Variants in RAB38 observed in about 807,000 individuals in gnomAD.
RAB38 encodes RAB38, member RAS oncogene family, also known as ras-related protein Rab-38.
In RAB38, 15 loss-of-function variants were observed where a neutral mutation model predicts 18.4. The observed-to-expected ratio is 0.82, with a 90% CI of 0.55 to 1.26. The LOEUF is 1.26. RAB38 is among the 50% of genes most tolerant of loss of function. The probability of loss-of-function intolerance (pLI) is 0.00; values close to 1 mark genes in which losing one functional copy is unlikely to be tolerated. For synonymous variants in RAB38, 101 were observed against 104.4 expected (o/e 0.97, Z 0.20); for missense variants, 294 against 267.4 (o/e 1.10, Z -0.69).
At chr11:88,043,935 C>G in the RAB38 span, among the ~76,000 whole-genome samples, 5 of 152,198 alleles carry the variant, frequency 3.3e-5, no homozygotes, top group Non-Finnish European at 7.3e-5. Flanking sequence ...GAACATCTCA[C>G]CAATTTTAAA....
At chr11:88,020,279 A>G in the RAB38 span, among the ~76,000 whole-genome samples, 1 of 152,192 alleles carries the variant, frequency 6.6e-6, no homozygotes, top group African/African-American at 2.4e-5. Flanking sequence ...GCCAATGAAA[A>G]CCAAAAAAGA....
chr11:87,897,654 G>A, the RAB38 span, among the ~76,000 whole-genome samples: 1 of 151,550 alleles, frequency 6.6e-6, no homozygotes, highest in East Asian at 2.0e-4. Flanking sequence ...AAAAACACCA[G>A]CCCATACGAA....
At position 88,175,109 on chromosome 11, in the gene RAB38, G is replaced by T. The variant is rs893243178; in HGVS notation, c.202+74C>A. The T allele has an allele frequency of 4.9e-6, 7 of 1,435,456 alleles. No individual in the cohort carries two copies. The African/African-American group carries it at 9.9e-5, about 20-fold the overall frequency. 88.9% of individuals were successfully genotyped at this position (1,435,456 alleles called of 1,614,324 possible). A position where few individuals can be genotyped will look rare whatever the true frequency, so the allele number is the denominator to read the frequency against. On this transcript the variant is annotated intron_variant, in intron 1 of 2. Coordinates refer to ENST00000243662, the MANE Select transcript of RAB38 (RefSeq NM_022337.3). Reference sequence around the variant, plus strand: ...AGTGATTTTAATCTCACGCTTGGCCGCAAGCCGCTGCCTCGAGACTGGAAA... The same window carrying T: ...AGTGATTTTAATCTCACGCTTGGCCTCAAGCCGCTGCCTCGAGACTGGAAA...
chr11:87,824,413 T>C, the RAB38 span, among the ~76,000 whole-genome samples: 1 of 152,174 alleles, frequency 6.6e-6, no homozygotes, highest in Non-Finnish European at 1.5e-5. Flanking sequence ...CAAGAAACCC[T>C]ATACATGTGT....
the RAB38 span, among the ~76,000 whole-genome samples, chr11:88,049,470 CTG>C: frequency 4.0e-5 from 6 of 151,022 alleles, no homozygotes; most frequent in African/African-American, 1.5e-4. Flanking sequence ...CCCGATTTGA[CTG>C]TAATTTTCCT....
intron 1 of RAB38, among the ~76,000 whole-genome samples, chr11:88,156,462 G>A (rs1485764302): frequency 6.6e-6 from 1 of 152,184 alleles, no homozygotes; most frequent in African/African-American, 2.4e-5. Context: ...CCAGCACTTT[G>A]GGAGGCCGAG....
At chr11:88,132,352 T>C (rs762963658) in intron 2 of RAB38, among the ~76,000 whole-genome samples, 72 of 152,300 alleles carry the variant, frequency 4.7e-4, no homozygotes, top group Admixed American at 1.6e-3. Flanking sequence ...GGTACATACC[T>C]CAAGACTTGT....
At chr11:87,968,118 CAG>C in the RAB38 span, among the ~76,000 whole-genome samples, 1 of 152,192 alleles carries the variant, frequency 6.6e-6, no homozygotes, top group Admixed American at 6.5e-5. Context: ...TAGAAAAATA[CAG>C]AGAGATGTTA....
chr11:88,118,969 A>T (rs1052942152), intron 2 of RAB38, among the ~76,000 whole-genome samples: 1 of 152,214 alleles, frequency 6.6e-6, no homozygotes, highest in African/African-American at 2.4e-5. Context: ...ACTTATCCAG[A>T]GCAGAACATT....
the RAB38 span, among the ~76,000 whole-genome samples, chr11:88,104,095 C>T: frequency 6.6e-6 from 1 of 152,106 alleles, no homozygotes; most frequent in Non-Finnish European, 1.5e-5. Context: ...CTTTCTCCAA[C>T]AAAGTCTGAA....
the RAB38 span, among the ~76,000 whole-genome samples, chr11:87,934,837 A>G: frequency 2.0e-5 from 3 of 152,144 alleles, no homozygotes; most frequent in Non-Finnish European, 4.4e-5. Context: ...AGGAATGTTA[A>G]GGTAACACTG....
At chr11:87,805,280 A>G in the RAB38 span, among the ~76,000 whole-genome samples, 1 of 152,140 alleles carries the variant, frequency 6.6e-6, no homozygotes. Context: ...ATCTATGGAC[A>G]TCTATGTTTA....
chr11:87,811,127 T>C, the RAB38 span, among the ~76,000 whole-genome samples: 2 of 152,264 alleles, frequency 1.3e-5, no homozygotes, highest in East Asian at 3.9e-4. Context: ...TGCAGTGCCC[T>C]CCTTACCCCT....
At chr11:87,967,372 C>A in the RAB38 span, among the ~76,000 whole-genome samples, 1 of 152,162 alleles carries the variant, frequency 6.6e-6, no homozygotes, top group Non-Finnish European at 1.5e-5. Context: ...TTTGGACCAA[C>A]TTCAGAGCCT....
At chr11:87,808,829 A>C in the RAB38 span, among the ~76,000 whole-genome samples, 10,960 of 152,202 alleles carry the variant, frequency 0.072, 473 homozygotes, top group African/African-American at 0.11. Context: ...ATACAAAAAT[A>C]CATATATCAG....
chr11:88,075,139 T>G, the RAB38 span, among the ~76,000 whole-genome samples: 1 of 152,192 alleles, frequency 6.6e-6, no homozygotes, highest in Admixed American at 6.5e-5. Flanking sequence ...GGACAGCTCA[T>G]TCAGACAGGA....
chr11:87,889,407 G>C, the RAB38 span, among the ~76,000 whole-genome samples: 4 of 151,908 alleles, frequency 2.6e-5, no homozygotes, highest in South Asian at 2.1e-4. Context: ...ATCTGCTCAA[G>C]ATCACCTCAT....
the RAB38 span, among the ~76,000 whole-genome samples, chr11:87,948,873 G>A: frequency 9.5e-3 from 1,439 of 151,224 alleles, 11 homozygotes; most frequent in Non-Finnish European, 0.013. Context: ...GTCTCTGCCC[G>A]GCTTTGGTAT....
downstream of RAB38, among the ~76,000 whole-genome samples, chr11:88,111,276 C>G (rs760684596): frequency 6.6e-6 from 1 of 151,926 alleles, no homozygotes; most frequent in African/African-American, 2.4e-5. Context: ...AAGAGGCACC[C>G]CAGTGAATCC....
Sources: gnomAD v4.1 joint callset for allele counts (sites outside exome capture counted in the v4.1 genomes callset) on GRCh38, gnomAD v4.1.1 for gene constraint, MANE v1.5 for transcripts, NCBI Gene and HGNC (gene_info 2026-07-23, HGNC 2026-07-21) for gene names.